PIEZO2: variants seen among roughly 807,000 people sequenced by gnomAD.
PIEZO2 encodes the protein piezo type mechanosensitive ion channel component 2.
In PIEZO2, 172 loss-of-function variants were observed where a neutral mutation model predicts 337.3. The ratio of observed to expected loss-of-function variants is 0.51; its 90% CI spans 0.45 to 0.58. PIEZO2 has a LOEUF of 0.58. Ranked by LOEUF, PIEZO2 falls within the 20% of genes least tolerant of loss-of-function variation. The pLI, the probability that PIEZO2 is intolerant of heterozygous loss-of-function variation, is 0.00. For synonymous variants in PIEZO2, 1,251 were observed against 1,228.5 expected, an observed-to-expected ratio of 1.02 and a Z score of -0.38; for missense variants, 3,028 against 3,391.3, an observed-to-expected ratio of 0.89 and a Z score of 2.66.
chr18:10,742,133 G>T (rs541391840), intron 32 of PIEZO2, among the ~76,000 whole-genome samples: 1 of 152,026 alleles, frequency 6.6e-6, no homozygotes, highest in Non-Finnish European at 1.5e-5. Context: ...CCAGCCTGGG[G>T]GACAGAGCGA....
intron 1 of PIEZO2, among the ~76,000 whole-genome samples, chr18:11,106,735 G>A (rs1213524285): frequency 2.0e-5 from 3 of 152,134 alleles, no homozygotes; most frequent in African/African-American, 7.2e-5. Context: ...AAGGACAGTG[G>A]CATACAGTGA....
chr18:10,779,683 T>C (rs1312825124), intron 18 of PIEZO2, among the ~76,000 whole-genome samples: 3 of 152,224 alleles, frequency 2.0e-5, no homozygotes, highest in Non-Finnish European at 2.9e-5. Flanking sequence ...TAAAACCATA[T>C]ATTGTGACTA....
At chr18:10,852,186 A>C (rs1433992744) in intron 7 of PIEZO2, among the ~76,000 whole-genome samples, 3 of 152,240 alleles carry the variant, frequency 2.0e-5, no homozygotes, top group Non-Finnish European at 2.9e-5. Context: ...TGCCTGGAGT[A>C]AATATTATGT....
Position 10,683,806 on chromosome 18 carries a change from T to C in PIEZO2, c.7498-1514A>G, listed in dbSNP as rs138112034. The stretch of plus-strand genomic sequence containing the variant: ...TTTTGCAAGTTAAAGAAGATTAATG[T>C]ATCTCTGCCAAGGGCGGTTTTAGTC... On this transcript the variant is annotated intron_variant, in intron 49 of 55. Transcript: ENST00000674853. Among the ~76,000 whole-genome samples, 288 of 152,288 alleles carry C rather than the reference T, an allele frequency of 1.9e-3. 2 individuals are homozygous for C. The highest frequency in any genetic ancestry group is 6.5e-3 in the African/African-American group (269 of 41,566).
chr18:10,979,681 A>G lies in PIEZO2; in HGVS notation c.161-21T>C. 1 of 1,516,168 alleles carries G rather than the reference A, an allele frequency of 6.6e-7. No individual in the cohort carries two copies. Among genetic ancestry groups the G allele is most frequent in the Non-Finnish European group, 8.8e-7 (1 of 1,133,100 alleles). 93.9% of individuals were successfully genotyped at this position (1,516,168 alleles called of 1,614,324 possible). On this transcript the variant is annotated intron_variant, in intron 2 of 55. Coordinates refer to ENST00000674853, the MANE Select transcript of PIEZO2 (RefSeq NM_001378183.1). The surrounding 1 kb of genome is among the most constrained non-coding windows in gnomAD (Gnocchi z 4.0). ...ATGTCCTAAGGGATAAAAAGTGCAG[A>G]GATTGTGAGAGAGCTTAAGATGAAA...
chr18:10,971,355 T>C (rs2034230541), intron 3 of PIEZO2, among the ~76,000 whole-genome samples: 1 of 152,204 alleles, frequency 6.6e-6, no homozygotes, highest in Non-Finnish European at 1.5e-5. Flanking sequence ...TTATTTACTG[T>C]TTTATTTCTA....
chr18:10,968,116 G>T (rs2034089194), intron 3 of PIEZO2, among the ~76,000 whole-genome samples: 1 of 152,046 alleles, frequency 6.6e-6, no homozygotes, highest in African/African-American at 2.4e-5. Context: ...ATTTTGAGTT[G>T]ATTTTTGTAT....
rs2042306240 is a variant in PIEZO2 at position 10,877,727 on chromosome 18, C to T, written c.330-6312G>A. Among the ~76,000 whole-genome samples the T allele has an allele frequency of 6.6e-6, 1 of 152,178 alleles. No homozygotes were observed. On this transcript the variant is annotated intron_variant, in intron 4 of 55. Transcript: ENST00000674853. The surrounding 1 kb of genome is among the most constrained non-coding windows in gnomAD (Gnocchi z 5.3). ...ATCTCAGGTTGTCCCCTCTGCCAGC[C>T]AGGCCTCCACATTAATATCAGAGTT...
At chr18:10,967,782 A>G (rs963513569) in intron 3 of PIEZO2, among the ~76,000 whole-genome samples, 4 of 152,038 alleles carry the variant, frequency 2.6e-5, no homozygotes, top group Non-Finnish European at 4.4e-5. Flanking sequence ...CACTTTTTAA[A>G]TGAGATTCTT....
In PIEZO2 at chr18:11,126,350, G is replaced by A. The variant is rs978011324; in HGVS notation, c.64+22175C>T. 2.6e-5 allele frequency among the ~76,000 whole-genome samples: 4 copies of A among 152,108 alleles called. No individual in the cohort carries two copies. Among genetic ancestry groups the A allele is most frequent in the African/African-American group, 7.2e-5 (3 of 41,428 alleles). ...CTCTCTCCTTTCTGTTCAAATGCAA[G>A]GACTCACCTCATTGCACTGCGCCAG... On this transcript the variant is annotated intron_variant, in intron 1 of 55. Coordinates refer to ENST00000674853, the MANE Select transcript of PIEZO2 (RefSeq NM_001378183.1). This position sits in a 1 kb window ranked among gnomAD's most constrained non-coding sequence, Gnocchi z 4.6.
chr18:11,076,580 A>T (rs1261454340), intron 1 of PIEZO2, among the ~76,000 whole-genome samples: 1 of 152,156 alleles, frequency 6.6e-6, no homozygotes, highest in East Asian at 1.9e-4. Context: ...TAGTTTAAAA[A>T]TTTGTTGCCT....
chr18:10,965,780 G>T (rs1031817182), intron 3 of PIEZO2, among the ~76,000 whole-genome samples: 6 of 152,152 alleles, frequency 3.9e-5, no homozygotes, highest in African/African-American at 9.7e-5. Context: ...AAAGACTATG[G>T]CAGAAATGAA....
intron 3 of PIEZO2, among the ~76,000 whole-genome samples, chr18:10,955,130 G>T (rs903616108): frequency 5.1e-4 from 77 of 152,164 alleles, no homozygotes; most frequent in Admixed American, 2.8e-3. Context: ...AGCTCCAGGA[G>T]AACAAAAGTT....
chr18:10,786,946 T>C (rs1262700206), intron 16 of PIEZO2, 90 bp downstream of exon 16: 2 of 1,252,234 alleles, frequency 1.6e-6, no homozygotes, highest in East Asian at 2.5e-5. Context: ...GATGACATCA[T>C]GCTTTACTAA....
At chr18:10,765,286 G>C (rs2038304228) in intron 21 of PIEZO2, among the ~76,000 whole-genome samples, 1 of 152,208 alleles carries the variant, frequency 6.6e-6, no homozygotes, top group African/African-American at 2.4e-5. Context: ...CCCATCCTTG[G>C]AGAAGCAAGT....
rs1474788957 is a variant in PIEZO2 at position 11,031,445 on chromosome 18, A to G, written c.160+34682T>C. ...ATACCAGAAAAAAAAATTAGTGAAC[A>G]CTACTAGAGTGTTTTCATTTTGGTT... On this transcript the variant is annotated intron_variant, in intron 2 of 55. Transcript: ENST00000674853. This position sits in a 1 kb window ranked among gnomAD's most constrained non-coding sequence, Gnocchi z 4.7. Among the ~76,000 whole-genome samples, 1 of 152,158 alleles carries G rather than the reference A, an allele frequency of 6.6e-6. No homozygotes were observed. The highest frequency in any genetic ancestry group is 2.4e-5 in the African/African-American group (1 of 41,442).
chr18:11,038,732 G>A lies in PIEZO2; in HGVS notation c.160+27395C>T, dbSNP rs2037010291. 6.6e-6 allele frequency among the ~76,000 whole-genome samples: 1 copy of A among 152,126 alleles called. No individual in the cohort carries two copies. Among genetic ancestry groups the A allele is most frequent in the African/African-American group, 2.4e-5 (1 of 41,416 alleles). On this transcript the variant is annotated intron_variant, in intron 2 of 55. Coordinates refer to ENST00000674853, the MANE Select transcript of PIEZO2 (RefSeq NM_001378183.1). The surrounding 1 kb of genome is among the most constrained non-coding windows in gnomAD (Gnocchi z 4.1). ...GTATCTTCTCAACATTTCAATTTCTGCATTGATTAAATGTATAATACATGC... is the reference window on the plus strand; with the variant it reads ...GTATCTTCTCAACATTTCAATTTCTACATTGATTAAATGTATAATACATGC...
chr18:10,807,399 A>C, intron 7 of PIEZO2, 125 bp from the exon 8 acceptor site: 1 of 796,200 alleles, frequency 1.3e-6, no homozygotes, highest in Non-Finnish European at 1.9e-6. Flanking sequence ...TCTATTGTAG[A>C]TATTTCAATT....
intron 49 of PIEZO2, among the ~76,000 whole-genome samples, chr18:10,687,996 G>T (rs1315572379): frequency 1.3e-5 from 2 of 152,174 alleles, no homozygotes; most frequent in Admixed American, 6.5e-5. Flanking sequence ...TATTTTATTT[G>T]ATTTTATTTT....
Sources: gnomAD v4.1 joint callset for allele counts (sites outside exome capture counted in the v4.1 genomes callset) on GRCh38, gnomAD v4.1.1 for gene constraint, Gnocchi (gnomAD v3.1) non-coding constraint, MANE v1.5 for transcripts, NCBI Gene and HGNC (gene_info 2026-07-23, HGNC 2026-07-21) for gene names.